Variants in KCNQ3 observed in about 807,000 individuals in gnomAD.
KCNQ3 encodes the protein potassium voltage-gated channel subfamily Q member 3.
In KCNQ3, 30 loss-of-function variants were observed where a neutral mutation model predicts 92.5. The ratio of observed to expected loss-of-function variants is 0.32; its 90% CI spans 0.24 to 0.44. The LOEUF is 0.44. Among genes scored for constraint, KCNQ3 ranks in the 20% least tolerant of loss-of-function variants. The pLI is 1.00. For synonymous variants in KCNQ3, 450 were observed against 468.8 expected (o/e 0.96, Z 0.52); for missense variants, 913 against 1,140.3 (o/e 0.80, Z 2.87).
At chr8:132,180,455 A>G in intron 3 of KCNQ3, 126 bp from the exon 4 acceptor site, 1 of 970,352 alleles carries the variant, frequency 1.0e-6, no homozygotes, top group Non-Finnish European at 1.6e-6. Context: ...CAATCTGAGC[A>G]CTGCTGTTGA....
intron 1 of KCNQ3, among the ~76,000 whole-genome samples, chr8:132,215,682 C>A (rs534318622): frequency 6.6e-6 from 1 of 152,314 alleles, no homozygotes; most frequent in African/African-American, 2.4e-5. Context: ...GAATTGCTTT[C>A]TCTGTGGTCA....
chr8:132,386,038 G>A (rs1050652225), intron 1 of KCNQ3, among the ~76,000 whole-genome samples: 1 of 152,096 alleles, frequency 6.6e-6, no homozygotes, highest in South Asian at 2.1e-4. Context: ...CTGGGATGGG[G>A]GGATGGTGCA....
intron 1 of KCNQ3, among the ~76,000 whole-genome samples, chr8:132,359,910 G>T (rs1819120485): frequency 6.6e-6 from 1 of 152,078 alleles, no homozygotes; most frequent in Admixed American, 6.6e-5. Context: ...TGTTTCCTCA[G>T]CTTCTGACTT....
At chr8:132,250,752 C>T (rs1380454944) in intron 1 of KCNQ3, among the ~76,000 whole-genome samples, 2 of 152,150 alleles carry the variant, frequency 1.3e-5, no homozygotes, top group East Asian at 3.9e-4. Context: ...GCTCACTGGG[C>T]ACTCTGTCAT....
chr8:132,425,597 G>A (rs960776659), intron 1 of KCNQ3, among the ~76,000 whole-genome samples: 4 of 152,026 alleles, frequency 2.6e-5, no homozygotes, highest in South Asian at 2.1e-4. Flanking sequence ...TAACAGCCAC[G>A]ACCCCAAAAC....
chr8:132,447,147 C>A, intron 1 of KCNQ3: 1 of 1,445,728 alleles, frequency 6.9e-7, no homozygotes, highest in Non-Finnish European at 9.4e-7. Context: ...GACTCTGAGT[C>A]CATCTTAGGA....
At chr8:132,180,997 C>T (rs575485075) in intron 3 of KCNQ3, among the ~76,000 whole-genome samples, 15 of 152,218 alleles carry the variant, frequency 9.9e-5, no homozygotes, top group African/African-American at 3.4e-4. Context: ...ACTGTCAACG[C>T]CCCCACACAT....
chr8:132,269,425 G>C (rs1461625016), intron 1 of KCNQ3, among the ~76,000 whole-genome samples: 1 of 151,904 alleles, frequency 6.6e-6, no homozygotes, highest in Non-Finnish European at 1.5e-5. Context: ...TTATTTTTTT[G>C]CATCTGGATC....
At chr8:132,253,843 A>G (rs1413100377) in intron 1 of KCNQ3, among the ~76,000 whole-genome samples, 1 of 152,244 alleles carries the variant, frequency 6.6e-6, no homozygotes, top group African/African-American at 2.4e-5. Context: ...GCCCTGGGGC[A>G]GAACCTCACA....
chr8:132,257,962 T>C (rs1324411771), intron 1 of KCNQ3, among the ~76,000 whole-genome samples: 2 of 152,070 alleles, frequency 1.3e-5, no homozygotes, highest in Non-Finnish European at 2.9e-5. Flanking sequence ...TAGAAAGGCA[T>C]AACAATTATA....
intron 1 of KCNQ3, among the ~76,000 whole-genome samples, chr8:132,322,659 C>G (rs748576040): frequency 6.6e-6 from 1 of 152,204 alleles, no homozygotes; most frequent in Non-Finnish European, 1.5e-5. Context: ...GGCTTTCAGA[C>G]AGGCGAAACT....
chr8:132,285,778 C>T (rs1227428248), intron 1 of KCNQ3, among the ~76,000 whole-genome samples: 14 of 152,198 alleles, frequency 9.2e-5, no homozygotes. Flanking sequence ...TCCCTCCCAT[C>T]ACATGCCCAG....
intron 1 of KCNQ3, among the ~76,000 whole-genome samples, chr8:132,364,225 A>G (rs1382230660): frequency 1.3e-5 from 2 of 152,194 alleles, no homozygotes; most frequent in Non-Finnish European, 2.9e-5. Context: ...TGTGGTTAGC[A>G]TTGTGAAAGG....
chr8:132,210,903 A>G lies in KCNQ3; in HGVS notation c.387-24722T>C, dbSNP rs144148584. ...ATGGGGTGGTTGTAAAAATTCAACA[A>G]GACAGTTTATTAAAATGGGTTGGCA... On this transcript the variant is annotated intron_variant, in intron 1 of 14. Coordinates refer to ENST00000388996, the MANE Select transcript of KCNQ3 (RefSeq NM_004519.4). 3.5e-3 allele frequency among the ~76,000 whole-genome samples: 540 copies of G among 152,322 alleles called. 3 individuals carry two copies. The highest frequency in any genetic ancestry group is 0.013 in the African/African-American group (522 of 41,570).
intron 1 of KCNQ3, among the ~76,000 whole-genome samples, chr8:132,219,661 A>C (rs1261136982): frequency 6.6e-6 from 1 of 152,092 alleles, no homozygotes; most frequent in East Asian, 1.9e-4. Flanking sequence ...ATCACTTTGA[A>C]CTATTTAAAT....
chr8:132,134,411 G>C (rs1194921166), intron 12 of KCNQ3, 23 bp from the exon 13 acceptor site: 6 of 1,488,388 alleles, frequency 4.0e-6, no homozygotes, highest in Non-Finnish European at 5.6e-6. Context: ...AACAGAGCAG[G>C]GATTAAATTA....
At position 132,373,314 on chromosome 8, in the gene KCNQ3, G is replaced by A. The variant is rs544464367; in HGVS notation, c.386+106833C>T. Among the ~76,000 whole-genome samples, 6 of 152,174 alleles carry A rather than the reference G, an allele frequency of 3.9e-5. No individual in the cohort carries two copies. In the East Asian group the frequency reaches 1.2e-3, roughly 29 times the overall value. On this transcript the variant is annotated intron_variant, in intron 1 of 14. Coordinates refer to ENST00000388996, the MANE Select transcript of KCNQ3 (RefSeq NM_004519.4). ...TCCATATATTTATTAATATCATTGG[G>A]CAATAATAAAACACCTAACACGCAG... is the stretch of plus-strand genomic sequence containing the variant.
At chr8:132,277,149 T>C (rs1816360878) in intron 1 of KCNQ3, among the ~76,000 whole-genome samples, 1 of 152,200 alleles carries the variant, frequency 6.6e-6, no homozygotes, top group African/African-American at 2.4e-5. Context: ...TTTTGTGTTT[T>C]CTATTCTAAG....
At chr8:132,444,981 A>T (rs1821636276) in intron 1 of KCNQ3, among the ~76,000 whole-genome samples, 1 of 152,212 alleles carries the variant, frequency 6.6e-6, no homozygotes, top group Non-Finnish European at 1.5e-5. Context: ...AAGTATAAGG[A>T]GACTTGGATT....
Sources: allele counts gnomAD v4.1 joint callset (sites outside exome capture counted in the v4.1 genomes callset), GRCh38; gene constraint gnomAD v4.1.1; transcripts MANE v1.5; gene names NCBI Gene and HGNC (gene_info 2026-07-23, HGNC 2026-07-21).